IMMP2L: variants seen among roughly 807,000 people sequenced by gnomAD.
IMMP2L encodes inner mitochondrial membrane peptidase subunit 2.
IMMP2L carries 18 observed loss-of-function variants against 19.3 expected under a neutral mutation model. The ratio of observed to expected loss-of-function variants is 0.93; its 90% CI spans 0.64 to 1.38. IMMP2L has a LOEUF of 1.38. Ranked by LOEUF, IMMP2L falls within the 40% of genes most tolerant of loss-of-function variation. IMMP2L has a pLI of 0.00. For synonymous variants in IMMP2L, 76 were observed against 73.0 expected, an observed-to-expected ratio of 1.04 and a Z score of -0.21; for missense variants, 233 against 218.2, an observed-to-expected ratio of 1.07 and a Z score of -0.43.
At chr7:110,706,810 T>C (rs750062718) in intron 5 of IMMP2L, among the ~76,000 whole-genome samples, 2 of 152,026 alleles carry the variant, frequency 1.3e-5, no homozygotes, top group Non-Finnish European at 2.9e-5. Flanking sequence ...GCTTACTCTA[T>C]TGATAGTTTC....
At chr7:110,913,804 A>G (rs1813301620) in intron 4 of IMMP2L, among the ~76,000 whole-genome samples, 1 of 152,126 alleles carries the variant, frequency 6.6e-6, no homozygotes, top group African/African-American at 2.4e-5. Context: ...TTAGGAAACA[A>G]AAAGAAGTCA....
At chr7:110,684,712 A>G (rs886172591) in intron 5 of IMMP2L, among the ~76,000 whole-genome samples, 2 of 152,004 alleles carry the variant, frequency 1.3e-5, no homozygotes, top group Non-Finnish European at 2.9e-5. Flanking sequence ...CTGATGATGA[A>G]GGTTTCACTT....
At chr7:111,283,287 T>A (rs971643840) in intron 3 of IMMP2L, among the ~76,000 whole-genome samples, 1 of 152,064 alleles carries the variant, frequency 6.6e-6, no homozygotes. Flanking sequence ...AATGCAAGAA[T>A]GGGAGCTAGC....
At chr7:111,439,912 G>A (rs1313991563) in intron 3 of IMMP2L, among the ~76,000 whole-genome samples, 1 of 151,884 alleles carries the variant, frequency 6.6e-6, no homozygotes, top group African/African-American at 2.4e-5. Context: ...CTTTGTGGTT[G>A]TTTCAACAAT....
chr7:110,845,429 A>C (rs946768519), intron 5 of IMMP2L, among the ~76,000 whole-genome samples: 1 of 152,140 alleles, frequency 6.6e-6, no homozygotes, highest in African/African-American at 2.4e-5. Context: ...CTCTGCAGCC[A>C]GATTAAGAAC....
chr7:111,164,223 G>A (rs1562875066), intron 3 of IMMP2L, among the ~76,000 whole-genome samples: 1 of 151,832 alleles, frequency 6.6e-6, no homozygotes, highest in Non-Finnish European at 1.5e-5. Context: ...CAGGCCAATT[G>A]GCCAACTTCA....
chr7:111,472,196 A>G (rs1281310525), intron 3 of IMMP2L, among the ~76,000 whole-genome samples: 2 of 152,112 alleles, frequency 1.3e-5, no homozygotes, highest in African/African-American at 4.8e-5. Flanking sequence ...ATGTATATAT[A>G]TACTCTGAAT....
intron 4 of IMMP2L, among the ~76,000 whole-genome samples, chr7:110,918,601 G>A (rs1316817285): frequency 7.9e-5 from 12 of 151,676 alleles, no homozygotes; most frequent in Admixed American, 1.3e-4. Flanking sequence ...GATTACAGGC[G>A]TGTACCACCA....
intron 3 of IMMP2L, among the ~76,000 whole-genome samples, chr7:111,030,330 ACT>A (rs903216434): frequency 6.6e-6 from 1 of 152,308 alleles, no homozygotes; most frequent in East Asian, 1.9e-4. Flanking sequence ...TTAAAAAAAA[ACT>A]GTTTTCCTTT....
chr7:111,170,411 A>AC (rs1806303832), intron 3 of IMMP2L, among the ~76,000 whole-genome samples: 1 of 151,866 alleles, frequency 6.6e-6, no homozygotes, highest in Admixed American at 6.6e-5. Flanking sequence ...AAAAGTCCAG[A>AC]ACAACTGGCA....
At chr7:111,017,184 C>T (rs1825793861) in intron 3 of IMMP2L, among the ~76,000 whole-genome samples, 1 of 150,636 alleles carries the variant, frequency 6.6e-6, no homozygotes, top group Non-Finnish European at 1.5e-5. Flanking sequence ...CCTCCTGCCT[C>T]AGCTGCCTGA....
chr7:111,081,894 A>G (rs1795915564), intron 3 of IMMP2L, among the ~76,000 whole-genome samples: 1 of 152,232 alleles, frequency 6.6e-6, no homozygotes, highest in Non-Finnish European at 1.5e-5. Flanking sequence ...CGCAAACCCT[A>G]CTTTCCAGAG....
chr7:111,093,653 A>C (rs896342455), intron 3 of IMMP2L, among the ~76,000 whole-genome samples: 2 of 152,266 alleles, frequency 1.3e-5, no homozygotes, highest in African/African-American at 4.8e-5. Context: ...GATTACAGAG[A>C]TCAGTAATGT....
chr7:110,916,485 A>C (rs1813626389), intron 4 of IMMP2L, among the ~76,000 whole-genome samples: 1 of 152,222 alleles, frequency 6.6e-6, no homozygotes, highest in Non-Finnish European at 1.5e-5. Flanking sequence ...TGGGATAGAA[A>C]ATTTACAACA....
chr7:111,005,215 T>C (rs1208801048), intron 3 of IMMP2L, among the ~76,000 whole-genome samples: 2 of 152,188 alleles, frequency 1.3e-5, no homozygotes, highest in African/African-American at 4.8e-5. Flanking sequence ...ATTACAGGTA[T>C]GCAAATTGAT....
chr7:110,872,542 T>C (rs922930525), intron 5 of IMMP2L, among the ~76,000 whole-genome samples: 3 of 152,214 alleles, frequency 2.0e-5, no homozygotes, highest in Admixed American at 6.5e-5. Flanking sequence ...AAGGTTTCCA[T>C]GGAGCTGCCA....
chr7:111,259,528 A>C (rs2129710315), intron 3 of IMMP2L, among the ~76,000 whole-genome samples: 1 of 152,136 alleles, frequency 6.6e-6, no homozygotes, highest in South Asian at 2.1e-4. Flanking sequence ...AGTCCTAGCT[A>C]CTCAGGATGC....
At chr7:111,279,849 TC>T in intron 3 of IMMP2L, among the ~76,000 whole-genome samples, 1 of 152,052 alleles carries the variant, frequency 6.6e-6, no homozygotes. Flanking sequence ...AACAAACATT[TC>T]GGGCTTTTAA....
At chr7:111,281,666 C>G (rs1398732297) in intron 3 of IMMP2L, among the ~76,000 whole-genome samples, 1 of 152,116 alleles carries the variant, frequency 6.6e-6, no homozygotes, top group Non-Finnish European at 1.5e-5. Context: ...TTATTACATC[C>G]ACGTTTATCA....
Sources: allele counts gnomAD v4.1 joint callset (sites outside exome capture counted in the v4.1 genomes callset), GRCh38; gene constraint gnomAD v4.1.1; transcripts MANE v1.5; gene names NCBI Gene and HGNC (gene_info 2026-07-23, HGNC 2026-07-21).